The following CSMD1 variants were observed in gnomAD, a reference collection of about 807,000 sequenced individuals.
CSMD1 encodes CUB and sushi domain-containing protein 1.
A neutral mutation model predicts 417.5 loss-of-function variants in CSMD1; 213 were observed. The observed-to-expected ratio is 0.51, with a 90% CI of 0.46 to 0.57. The LOEUF is 0.57. Ranked by LOEUF, CSMD1 falls within the 20% of genes least tolerant of loss-of-function variation. The probability of loss-of-function intolerance (pLI) is 0.00; values close to 1 mark genes in which losing one functional copy is unlikely to be tolerated. For missense variants in CSMD1, 6,923 were observed against 4,529.7 expected, an observed-to-expected ratio of 1.53 and a Z score of -15.17; for synonymous variants, 2,862 against 1,736.8, an observed-to-expected ratio of 1.65 and a Z score of -16.11.
intron 26 of CSMD1, among the ~76,000 whole-genome samples, chr8:3,242,677 G>T (rs1212253405): frequency 6.6e-6 from 1 of 152,010 alleles, no homozygotes; most frequent in African/African-American, 2.4e-5. Flanking sequence ...TAAGGGAGAA[G>T]AGAGGGGAAT....
At chr8:3,609,507 T>A (rs1249038141) in intron 8 of CSMD1, among the ~76,000 whole-genome samples, 1 of 152,180 alleles carries the variant, frequency 6.6e-6, no homozygotes, top group African/African-American at 2.4e-5. Context: ...ATAGAATTAA[T>A]ATTTAGGTTG....
chr8:4,043,058 G>A (rs191412272), intron 3 of CSMD1, among the ~76,000 whole-genome samples: 11 of 152,120 alleles, frequency 7.2e-5, no homozygotes, highest in African/African-American at 2.4e-4. Context: ...CTTGAACCTT[G>A]GAGGCACAGG....
At chr8:4,635,386 T>C (rs1490446169) in intron 2 of CSMD1, among the ~76,000 whole-genome samples, 1 of 152,110 alleles carries the variant, frequency 6.6e-6, no homozygotes, top group East Asian at 1.9e-4. Context: ...TTATATTTAT[T>C]AATATAAAAT....
chr8:4,923,257 C>T (rs1014632449), intron 1 of CSMD1, among the ~76,000 whole-genome samples: 10 of 152,124 alleles, frequency 6.6e-5, no homozygotes, highest in East Asian at 5.8e-4. Context: ...CTTTCTTCTA[C>T]CCTTCACACT....
chr8:4,964,643 T>C (rs555121617), intron 1 of CSMD1, among the ~76,000 whole-genome samples: 78 of 152,220 alleles, frequency 5.1e-4, no homozygotes, highest in Non-Finnish European at 8.5e-4. Context: ...AAAATACATT[T>C]TTCTAACACT....
chr8:4,878,682 T>C (rs539633549), intron 1 of CSMD1, among the ~76,000 whole-genome samples: 2 of 152,090 alleles, frequency 1.3e-5, no homozygotes, highest in East Asian at 3.9e-4. Context: ...TAGGGTCTTA[T>C]ATTCTGTATT....
At chr8:4,351,078 G>C (rs1467387551) in intron 3 of CSMD1, among the ~76,000 whole-genome samples, 1 of 152,052 alleles carries the variant, frequency 6.6e-6, no homozygotes, top group Admixed American at 6.6e-5. Context: ...CAGAACTTCA[G>C]GAGTCTGAAG....
intron 1 of CSMD1, among the ~76,000 whole-genome samples, chr8:4,677,964 T>TA (rs1350383977): frequency 6.6e-6 from 1 of 152,040 alleles, no homozygotes; most frequent in African/African-American, 2.4e-5. Context: ...GAAATAGACA[T>TA]AAAGCCTGCC....
chr8:4,802,106 G>A (rs12680174), intron 1 of CSMD1, among the ~76,000 whole-genome samples: 10,245 of 152,280 alleles, frequency 0.067, 564 homozygotes, highest in East Asian at 0.23. Flanking sequence ...AGTGTCCACA[G>A]ACAGTTTTAA....
At chr8:4,315,369 C>T (rs916961351) in intron 3 of CSMD1, among the ~76,000 whole-genome samples, 1 of 152,150 alleles carries the variant, frequency 6.6e-6, no homozygotes, top group Non-Finnish European at 1.5e-5. Flanking sequence ...CAGGTACCAG[C>T]CTGCCTCATT....
rs540557638 is a variant in CSMD1, at chr8:4,506,096, C to G, written c.303-86031G>C. 5.3e-5 allele frequency among the ~76,000 whole-genome samples: 8 copies of G among 152,250 alleles called. No individual in the cohort carries two copies. The East Asian group carries it at 1.5e-3, about 29-fold the overall frequency. On this transcript the variant is annotated intron_variant, in intron 2 of 69. Coordinates refer to ENST00000635120, the MANE Select transcript of CSMD1 (RefSeq NM_033225.6). Reference sequence around the variant, plus strand: ...CCATTCGAATAACCAAAATTAATTACCACAATAGTCTTTCTAGGAGTTGCC... The same window carrying G: ...CCATTCGAATAACCAAAATTAATTAGCACAATAGTCTTTCTAGGAGTTGCC...
At chr8:4,557,007 G>C (rs17416186) in intron 2 of CSMD1, among the ~76,000 whole-genome samples, 15,232 of 152,158 alleles carry the variant, frequency 0.1, 897 homozygotes, top group African/African-American at 0.16. Flanking sequence ...CTAAAATTGA[G>C]ATTAAGCAAC....
chr8:4,332,880 G>C (rs1303271914), intron 3 of CSMD1, among the ~76,000 whole-genome samples: 3 of 149,376 alleles, frequency 2.0e-5, no homozygotes, highest in Admixed American at 2.0e-4. Context: ...GAATGTTTTT[G>C]AGAAAAACAA....
At chr8:3,231,602 G>C (rs1798843406) in intron 26 of CSMD1, among the ~76,000 whole-genome samples, 1 of 152,038 alleles carries the variant, frequency 6.6e-6, no homozygotes, top group Non-Finnish European at 1.5e-5. Context: ...AATAAGACCT[G>C]CTCTGTGTTA....
chr8:3,346,922 G>A (rs12681139), intron 22 of CSMD1, among the ~76,000 whole-genome samples: 57,944 of 152,108 alleles, frequency 0.38, 11,830 homozygotes, highest in Admixed American at 0.5. Flanking sequence ...CCAGGCTTCT[G>A]TCCAACTAAA....
intron 46 of CSMD1, among the ~76,000 whole-genome samples, chr8:3,103,367 T>A (rs1815895612): frequency 6.6e-6 from 1 of 152,254 alleles, no homozygotes. Flanking sequence ...CACACCCAGA[T>A]GGTACAGCCT....
At chr8:3,314,853 C>T (rs1052869723) in intron 23 of CSMD1, among the ~76,000 whole-genome samples, 3 of 152,146 alleles carry the variant, frequency 2.0e-5, no homozygotes, top group African/African-American at 2.4e-5. Flanking sequence ...TCAAGAGAAC[C>T]GGCTCCAGAC....
At chr8:3,889,921 G>A (rs1237841763) in intron 5 of CSMD1, among the ~76,000 whole-genome samples, 3 of 152,216 alleles carry the variant, frequency 2.0e-5, no homozygotes, top group East Asian at 1.9e-4. Flanking sequence ...AATGCCACAT[G>A]CCCGTAGTCT....
At chr8:3,633,709 A>T (rs1019798321) in intron 7 of CSMD1, among the ~76,000 whole-genome samples, 1 of 152,188 alleles carries the variant, frequency 6.6e-6, no homozygotes, top group African/African-American at 2.4e-5. Flanking sequence ...ATGATCCTTC[A>T]ATTAAAAATG....
Sources: allele counts gnomAD v4.1 joint callset (sites outside exome capture counted in the v4.1 genomes callset), GRCh38; gene constraint gnomAD v4.1.1; transcripts MANE v1.5; gene names NCBI Gene and HGNC (gene_info 2026-07-23, HGNC 2026-07-21).